Variants in POC1B observed in about 807,000 individuals in gnomAD.
The protein encoded by POC1B is POC1 centriolar protein homolog B.
A neutral mutation model predicts 60.6 loss-of-function variants in POC1B; 44 were observed. The observed-to-expected ratio is 0.73, with a 90% CI of 0.57 to 0.93. The LOEUF (loss-of-function observed/expected upper bound fraction) is 0.93, where lower values mean the gene tolerates loss of function less well. Ranked by LOEUF, POC1B falls within the 40% of genes least tolerant of loss-of-function variation. The pLI is 0.00. For synonymous variants in POC1B, 180 were observed against 198.9 expected, an observed-to-expected ratio of 0.90 and a Z score of 0.80; for missense variants, 555 against 572.3, an observed-to-expected ratio of 0.97 and a Z score of 0.31.
At chr12:89,407,021 T>C in the POC1B span, among the ~76,000 whole-genome samples, 1 of 151,104 alleles carries the variant, frequency 6.6e-6, no homozygotes, top group Non-Finnish European at 1.5e-5. Flanking sequence ...GATGGAGGGC[T>C]CCTGTGGTCC....
chr12:89,500,288 A>C, intron 2 of POC1B: 1 of 1,539,592 alleles, frequency 6.5e-7, no homozygotes, highest in Non-Finnish European at 8.9e-7. Context: ...AACACGCAAA[A>C]TAAAAGACAC....
the POC1B span, among the ~76,000 whole-genome samples, chr12:89,414,571 C>A: frequency 6.6e-6 from 1 of 152,282 alleles, no homozygotes; most frequent in Non-Finnish European, 1.5e-5. Context: ...ATTCATAAAT[C>A]CTCTGGTGCA....
downstream of POC1B, among the ~76,000 whole-genome samples, chr12:89,414,981 GT>G (rs142782622): frequency 0.13 from 20,425 of 152,180 alleles, 1,639 homozygotes; most frequent in South Asian, 0.31. Flanking sequence ...AATAGTTTGA[GT>G]TCCAGGCAAG....
intron 3 of POC1B, 72 bp downstream of exon 3, chr12:89,497,099 C>T: frequency 6.7e-7 from 1 of 1,486,520 alleles, no homozygotes; most frequent in Non-Finnish European, 9.2e-7. Context: ...AGTGCATGAG[C>T]AGCAGCCAGG....
Position 89,476,759 on chromosome 12 carries a change from T to TAGACAGAC in POC1B, c.453-4492_453-4485dup, listed in dbSNP as rs1167476204. Among the ~76,000 whole-genome samples the TAGACAGAC allele has an allele frequency of 2.2e-3, 130 of 58,608 alleles. 1 individual carries two copies. Among genetic ancestry groups the TAGACAGAC allele is most frequent in the East Asian group, 0.012 (20 of 1,624 alleles). 38.4% of individuals were successfully genotyped at this position (58,608 alleles called of 152,430 possible). On this transcript the variant is annotated intron_variant, in intron 4 of 11. Coordinates refer to ENST00000313546, the MANE Select transcript of POC1B (RefSeq NM_172240.3). Reference sequence around the variant, plus strand: ...ATAGATAGATAGATAGATAGATAGATAGACAGACAGACAGACAGACACTTT... The same window carrying TAGACAGAC: ...ATAGATAGATAGATAGATAGATAGATAGACAGACAGACAGACAGACAGACAGACACTTT...
intron 4 of POC1B, among the ~76,000 whole-genome samples, chr12:89,480,441 T>A (rs911962719): frequency 2.6e-5 from 4 of 151,134 alleles, no homozygotes; most frequent in African/African-American, 9.8e-5. Flanking sequence ...TTTTTTTTTT[T>A]TATAGAGTCT....
chr12:89,479,817 C>A (rs1377982446), intron 4 of POC1B, among the ~76,000 whole-genome samples: 1 of 152,092 alleles, frequency 6.6e-6, no homozygotes, highest in East Asian at 1.9e-4. Context: ...TTTAAGTACA[C>A]TATCCATGCA....
chr12:89,412,047 T>C, the POC1B span, among the ~76,000 whole-genome samples: 1 of 152,252 alleles, frequency 6.6e-6, no homozygotes, highest in Non-Finnish European at 1.5e-5. Flanking sequence ...GCTAACTTTT[T>C]ATCTCTGAAA....
At chr12:89,465,441 C>G (rs1320629895) in intron 9 of POC1B, among the ~76,000 whole-genome samples, 2 of 152,066 alleles carry the variant, frequency 1.3e-5, no homozygotes, top group South Asian at 2.1e-4. Flanking sequence ...CCTGATCAAT[C>G]TTGGCCAAAC....
intron 11 of POC1B, 55 bp downstream of exon 11, chr12:89,425,106 T>C: frequency 3.2e-6 from 5 of 1,549,112 alleles, no homozygotes; most frequent in Non-Finnish European, 3.6e-6. Context: ...GTATCCAGAA[T>C]TGTTTTGTGT....
At chr12:89,484,373 T>C (rs183854902) in intron 4 of POC1B, among the ~76,000 whole-genome samples, 148 of 152,356 alleles carry the variant, frequency 9.7e-4, no homozygotes, top group African/African-American at 3.5e-3. Context: ...AAGGACGTTC[T>C]TTTTAAGTTT....
chr12:89,517,055 G>A (rs148544240), intron 2 of POC1B, among the ~76,000 whole-genome samples: 1 of 152,060 alleles, frequency 6.6e-6, no homozygotes, highest in South Asian at 2.1e-4. Context: ...GTTTTGGAGG[G>A]CCACCATTTA....
the POC1B span, among the ~76,000 whole-genome samples, chr12:89,410,596 C>G: frequency 2.0e-5 from 3 of 151,118 alleles, no homozygotes; most frequent in African/African-American, 7.3e-5. Context: ...AGGAGAATGG[C>G]GTGAACCTGA....
chr12:89,454,620 C>T (rs948941604), intron 10 of POC1B, among the ~76,000 whole-genome samples: 5 of 152,170 alleles, frequency 3.3e-5, no homozygotes, highest in African/African-American at 1.2e-4. Context: ...CCCTTCACTC[C>T]TTCAGCTCTT....
intron 2 of POC1B, among the ~76,000 whole-genome samples, chr12:89,507,817 C>T (rs1869977810): frequency 6.6e-6 from 1 of 152,214 alleles, no homozygotes; most frequent in Non-Finnish European, 1.5e-5. Context: ...TTCCTTGAGT[C>T]AACTCAAGCT....
the POC1B span, among the ~76,000 whole-genome samples, chr12:89,402,801 A>C: frequency 1.3e-5 from 2 of 152,082 alleles, no homozygotes; most frequent in Non-Finnish European, 2.9e-5. Context: ...GCACAGTGGC[A>C]CAATCTTGGC....
intron 9 of POC1B, chr12:89,461,924 A>G (rs1359544564): frequency 6.6e-6 from 1 of 152,134 alleles, no homozygotes; most frequent in African/African-American, 2.4e-5. Flanking sequence ...CTGTCCAGAG[A>G]CTGCTTGCAT....
At chr12:89,403,689 G>A in the POC1B span, among the ~76,000 whole-genome samples, 8 of 152,066 alleles carry the variant, frequency 5.3e-5, no homozygotes, top group Non-Finnish European at 1.2e-4. Context: ...ACCATTTCCC[G>A]GCCATGAAGC....
chr12:89,500,246 A>T (rs550339871), intron 2 of POC1B: 2 of 1,565,564 alleles, frequency 1.3e-6, no homozygotes, highest in East Asian at 4.5e-5. Flanking sequence ...CAATGATTTT[A>T]GCACAAATTC....
Sources: gnomAD v4.1 joint callset for allele counts (sites outside exome capture counted in the v4.1 genomes callset) on GRCh38, gnomAD v4.1.1 for gene constraint, MANE v1.5 for transcripts, NCBI Gene and HGNC (gene_info 2026-07-23, HGNC 2026-07-21) for gene names.